The following CDK17 variants were observed in gnomAD, a reference collection of about 807,000 sequenced individuals.
The protein encoded by CDK17 is cyclin-dependent kinase 17.
CDK17 carries 24 observed loss-of-function variants against 77.6 expected under a neutral mutation model. The ratio of observed to expected loss-of-function variants is 0.31; its 90% CI spans 0.22 to 0.44. The LOEUF is 0.44. CDK17 is among the 20% of genes least tolerant of loss of function. The pLI is 1.00. For missense variants in CDK17, 429 were observed against 622.5 expected (o/e 0.69, Z 3.31); for synonymous variants, 203 against 210.4 (o/e 0.96, Z 0.30).
intron 1 of CDK17, among the ~76,000 whole-genome samples, chr12:96,392,730 G>GA (rs1429589319): frequency 2.0e-5 from 3 of 152,176 alleles, no homozygotes; most frequent in Non-Finnish European, 4.4e-5. Flanking sequence ...TATCGAGTAG[G>GA]AAGCTGGAAT....
chr12:96,372,346 A>C (rs1953708680), intron 1 of CDK17, among the ~76,000 whole-genome samples: 1 of 152,188 alleles, frequency 6.6e-6, no homozygotes, highest in Non-Finnish European at 1.5e-5. Context: ...AAGGCCTCAA[A>C]ATAGAGTCTT....
intron 2 of CDK17, among the ~76,000 whole-genome samples, chr12:96,325,605 C>A (rs1262371476): frequency 6.6e-6 from 1 of 152,192 alleles, no homozygotes; most frequent in African/African-American, 2.4e-5. Flanking sequence ...CCCAAAGGCT[C>A]ACCCAAGGTC....
At chr12:96,377,564 G>A (rs149353047) in intron 1 of CDK17, among the ~76,000 whole-genome samples, 1 of 152,208 alleles carries the variant, frequency 6.6e-6, no homozygotes, top group Non-Finnish European at 1.5e-5. Flanking sequence ...TCTATCAAAT[G>A]CAAAACTCAA....
chr12:96,363,576 G>T (rs1592754556), intron 1 of CDK17, among the ~76,000 whole-genome samples: 2 of 152,208 alleles, frequency 1.3e-5, no homozygotes, highest in African/African-American at 4.8e-5. Flanking sequence ...GGCCAGGTGT[G>T]GTGGCTCATG....
intron 1 of CDK17, chr12:96,387,266 A>G (rs1953991841): frequency 5.0e-6 from 1 of 201,178 alleles, no homozygotes; most frequent in Non-Finnish European, 1.0e-5. Context: ...CCAACCCACT[A>G]GAAGTATGAA....
chr12:96,390,421 A>C (rs1954048376), intron 1 of CDK17, among the ~76,000 whole-genome samples: 1 of 149,778 alleles, frequency 6.7e-6, no homozygotes. Context: ...ATTTTAAAAA[A>C]GCCTTGGCCA....
At chr12:96,315,209 A>G (rs1952694911) in intron 3 of CDK17, among the ~76,000 whole-genome samples, 1 of 152,250 alleles carries the variant, frequency 6.6e-6, no homozygotes, top group Admixed American at 6.5e-5. Flanking sequence ...TAATATTTAC[A>G]TATAAAATCA....
At position 96,309,162 on chromosome 12, in the gene CDK17, A is replaced by G. The variant is rs1346956431; in HGVS notation, c.543+1890T>C. 2.0e-5 allele frequency among the ~76,000 whole-genome samples: 3 copies of G among 152,174 alleles called. No homozygotes were observed. The East Asian group carries it at 5.8e-4, about 29-fold the overall frequency. On this transcript the variant is annotated intron_variant, in intron 5 of 16. Coordinates refer to ENST00000261211, the MANE Select transcript of CDK17 (RefSeq NM_002595.5). ...CCTGTCCGTTCAAGCCATAGCTTTT[A>G]TATTATTCCATATTACCCTTCATAT...
At chr12:96,304,365 T>C (rs1349542725) in intron 5 of CDK17, among the ~76,000 whole-genome samples, 3 of 152,074 alleles carry the variant, frequency 2.0e-5, no homozygotes, top group African/African-American at 7.2e-5. Flanking sequence ...AGTGAAACCC[T>C]GTCTCTACTA....
chr12:96,374,972 C>CAGTT (rs202019852), intron 1 of CDK17, among the ~76,000 whole-genome samples: 3,061 of 152,306 alleles, frequency 0.02, 47 homozygotes, highest in Non-Finnish European at 0.031. Flanking sequence ...CACAACAGAA[C>CAGTT]AGTTTGATCA....
At chr12:96,309,796 C>T (rs1394057714) in intron 5 of CDK17, among the ~76,000 whole-genome samples, 2 of 152,180 alleles carry the variant, frequency 1.3e-5, no homozygotes, top group Admixed American at 1.3e-4. Flanking sequence ...CAAGAGACCA[C>T]TATCAACTTG....
chr12:96,313,981 C>A (rs1402457075), intron 3 of CDK17, among the ~76,000 whole-genome samples: 1 of 152,084 alleles, frequency 6.6e-6, no homozygotes, highest in Non-Finnish European at 1.5e-5. Flanking sequence ...CCCTGCACCC[C>A]CAATGTTAAA....
At chr12:96,337,904 G>A (rs558786628) in intron 1 of CDK17, among the ~76,000 whole-genome samples, 1 of 152,340 alleles carries the variant, frequency 6.6e-6, no homozygotes, top group Admixed American at 6.5e-5. Context: ...TAGTCTGTGA[G>A]AGGCTCCTGG....
chr12:96,293,488 TCACA>T (rs1952355700), intron 10 of CDK17, among the ~76,000 whole-genome samples: 1 of 152,194 alleles, frequency 6.6e-6, no homozygotes, highest in Non-Finnish European at 1.5e-5. Flanking sequence ...AAATCAAATC[TCACA>T]CAGATATGAG....
intron 1 of CDK17, among the ~76,000 whole-genome samples, chr12:96,363,708 G>A (rs373752837): frequency 2.0e-5 from 3 of 152,080 alleles, no homozygotes; most frequent in African/African-American, 7.2e-5. Context: ...AAATTAGCTG[G>A]GTATGGTGGC....
chr12:96,301,743 G>A (rs1952508278), intron 5 of CDK17, among the ~76,000 whole-genome samples: 1 of 152,028 alleles, frequency 6.6e-6, no homozygotes, highest in Admixed American at 6.5e-5. Context: ...AACTCTAGAG[G>A]TCTAAATACG....
intron 5 of CDK17, among the ~76,000 whole-genome samples, chr12:96,309,556 T>C (rs1344269849): frequency 6.6e-6 from 1 of 152,218 alleles, no homozygotes; most frequent in Non-Finnish European, 1.5e-5. Context: ...TAAGAAAATA[T>C]ATTTGTAAGA....
chr12:96,366,681 A>G (rs1003867412), intron 1 of CDK17, among the ~76,000 whole-genome samples: 4 of 152,322 alleles, frequency 2.6e-5, no homozygotes, highest in Non-Finnish European at 5.9e-5. Flanking sequence ...TAATATACCC[A>G]TAACTCTGGA....
chr12:96,351,547 G>T (rs1466402941), intron 1 of CDK17, among the ~76,000 whole-genome samples: 1 of 152,158 alleles, frequency 6.6e-6, no homozygotes, highest in Admixed American at 6.6e-5. Context: ...GACACAAAAG[G>T]ACAAATATTA....
Sources: allele counts gnomAD v4.1 joint callset (sites outside exome capture counted in the v4.1 genomes callset), GRCh38; gene constraint gnomAD v4.1.1; transcripts MANE v1.5; gene names NCBI Gene and HGNC (gene_info 2026-07-23, HGNC 2026-07-21).